CNTN6: variants seen among roughly 807,000 people sequenced by gnomAD.
CNTN6 encodes contactin 6.
A neutral mutation model predicts 122.8 loss-of-function variants in CNTN6; 137 were observed. That is an observed-to-expected ratio of 1.12 (90% confidence interval 0.97 to 1.29). The LOEUF is 1.29. CNTN6 is among the 50% of genes most tolerant of loss of function. The pLI, the probability that CNTN6 is intolerant of heterozygous loss-of-function variation, is 0.00. For missense variants in CNTN6, 1,634 were observed against 1,223.4 expected, an observed-to-expected ratio of 1.34 and a Z score of -5.01; for synonymous variants, 570 against 426.0, an observed-to-expected ratio of 1.34 and a Z score of -4.16.
At chr3:1,367,932 G>A (rs960174418) in intron 12 of CNTN6, among the ~76,000 whole-genome samples, 1 of 152,180 alleles carries the variant, frequency 6.6e-6, no homozygotes, top group Non-Finnish European at 1.5e-5. Flanking sequence ...GGCTGTCTCT[G>A]TGGGATTTGC....
intron 1 of CNTN6, among the ~76,000 whole-genome samples, chr3:1,099,407 A>C (rs567422644): frequency 9.7e-4 from 147 of 152,234 alleles, no homozygotes; most frequent in South Asian, 1.7e-3. Context: ...GCCGAGATTG[A>C]GCCATTACAC....
At chr3:1,333,319 A>G (rs1702582819) in intron 11 of CNTN6, among the ~76,000 whole-genome samples, 1 of 152,072 alleles carries the variant, frequency 6.6e-6, no homozygotes, top group African/African-American at 2.4e-5. Flanking sequence ...CCGAATTTAC[A>G]GTGCCAGATC....
chr3:1,136,731 C>T (rs546170074), intron 1 of CNTN6, among the ~76,000 whole-genome samples: 14 of 152,128 alleles, frequency 9.2e-5, no homozygotes, highest in African/African-American at 2.7e-4. Flanking sequence ...AGTAAGCTTT[C>T]GGCAAAATTG....
At chr3:1,188,170 A>G (rs2093655004) in intron 2 of CNTN6, among the ~76,000 whole-genome samples, 1 of 152,162 alleles carries the variant, frequency 6.6e-6, no homozygotes, top group Non-Finnish European at 1.5e-5. Flanking sequence ...TCCCCACCTC[A>G]AGGGTAGAGA....
chr3:1,173,272 A>G (rs1192902100), intron 2 of CNTN6: 1 of 456,594 alleles, frequency 2.2e-6, no homozygotes, highest in Admixed American at 2.3e-5. Flanking sequence ...TTGGAAATCT[A>G]CCTCTTATGC....
intron 20 of CNTN6, among the ~76,000 whole-genome samples, chr3:1,400,245 T>C (rs1695513752): frequency 6.6e-6 from 1 of 152,054 alleles, no homozygotes; most frequent in Admixed American, 6.6e-5. Flanking sequence ...ATTTTATATC[T>C]CTCCAGTTTC....
chr3:1,309,746 A>G (rs1181508817), intron 7 of CNTN6, among the ~76,000 whole-genome samples: 1 of 152,162 alleles, frequency 6.6e-6, no homozygotes, highest in Non-Finnish European at 1.5e-5. Context: ...GACAGTGTTG[A>G]GTCTTTTCAT....
chr3:1,112,316 C>T (rs532055409), intron 1 of CNTN6, among the ~76,000 whole-genome samples: 82 of 152,224 alleles, frequency 5.4e-4, no homozygotes, highest in African/African-American at 1.7e-3. Flanking sequence ...TTGAGACTCT[C>T]GATTATGCAG....
At chr3:1,175,679 T>A (rs2093436222) in intron 2 of CNTN6, among the ~76,000 whole-genome samples, 1 of 152,232 alleles carries the variant, frequency 6.6e-6, no homozygotes. Flanking sequence ...CTGATTTGTA[T>A]ATGCAAAAGA....
intron 4 of CNTN6, among the ~76,000 whole-genome samples, chr3:1,270,618 C>G (rs1211392484): frequency 6.6e-6 from 1 of 152,142 alleles, no homozygotes; most frequent in Non-Finnish European, 1.5e-5. Context: ...CTTGTTTACT[C>G]CAGAACCAGC....
chr3:1,158,947 T>C (rs1186037184), intron 2 of CNTN6, among the ~76,000 whole-genome samples: 2,227 of 108,254 alleles, frequency 0.021, 240 homozygotes, highest in African/African-American at 0.056. Context: ...CACACATATA[T>C]ATATATACAC....
At position 1,272,617 on chromosome 3, in the gene CNTN6, A is replaced by C. The variant is rs572827972; in HGVS notation, c.359-5796A>C. ...GTAAGCATGCCCATTTTTCTGGTGA[A>C]TATTTTCCCTATCTCCAGCTTTTCA... On this transcript the variant is annotated intron_variant, in intron 4 of 22. Transcript: ENST00000446702. Among the ~76,000 whole-genome samples the C allele has an allele frequency of 2.6e-5, 4 of 152,296 alleles. 1 individual carries two copies. Among genetic ancestry groups the C allele is most frequent in the South Asian group, 2.1e-4 (1 of 4,824 alleles).
intron 4 of CNTN6, among the ~76,000 whole-genome samples, chr3:1,243,552 G>A (rs1165996493): frequency 1.3e-5 from 2 of 151,892 alleles, no homozygotes; most frequent in Non-Finnish European, 2.9e-5. Flanking sequence ...ACCTTTTAGG[G>A]TCTAGGGCTG....
chr3:1,155,860 T>G lies in CNTN6; in HGVS notation c.55+7797T>G, dbSNP rs183888188. 1.0e-3 allele frequency among the ~76,000 whole-genome samples: 153 copies of G among 152,326 alleles called. 1 individual carries two copies. Among genetic ancestry groups the G allele is most frequent in the African/African-American group, 3.4e-3 (143 of 41,578 alleles). ...TATTTTGAGGCATCCTCTGTGTCCT[T>G]TCCAAGACTTAGCTTATTGACACAG... On this transcript the variant is annotated intron_variant, in intron 2 of 22. Transcript: ENST00000446702.
intron 4 of CNTN6, among the ~76,000 whole-genome samples, chr3:1,276,181 A>G (rs1249454814): frequency 6.6e-6 from 1 of 152,202 alleles, no homozygotes; most frequent in African/African-American, 2.4e-5. Context: ...CTCTAAGATA[A>G]CCAATGTGTA....
chr3:1,265,963 C>G (rs1171199423), intron 4 of CNTN6, among the ~76,000 whole-genome samples: 4 of 151,608 alleles, frequency 2.6e-5, no homozygotes, highest in African/African-American at 9.7e-5. Flanking sequence ...CAGTGTCATT[C>G]ATCACAAATA....
intron 7 of CNTN6, among the ~76,000 whole-genome samples, chr3:1,300,007 T>C (rs1696919382): frequency 1.3e-5 from 2 of 152,024 alleles, no homozygotes. Flanking sequence ...GACGGAGTCT[T>C]GCTCTGTTGC....
chr3:1,103,014 G>T (rs543630719), intron 1 of CNTN6, among the ~76,000 whole-genome samples: 56 of 151,458 alleles, frequency 3.7e-4, no homozygotes, highest in African/African-American at 1.3e-3. Flanking sequence ...GCTGAGGCAG[G>T]AGAATGGCGG....
intron 5 of CNTN6, among the ~76,000 whole-genome samples, chr3:1,284,412 G>A (rs1222699593): frequency 1.3e-5 from 2 of 152,164 alleles, no homozygotes; most frequent in Non-Finnish European, 2.9e-5. Flanking sequence ...CAAATTGGCA[G>A]TGGATATGTT....
Sources: gnomAD v4.1 joint callset for allele counts (sites outside exome capture counted in the v4.1 genomes callset) on GRCh38, gnomAD v4.1.1 for gene constraint, MANE v1.5 for transcripts, NCBI Gene and HGNC (gene_info 2026-07-23, HGNC 2026-07-21) for gene names.